The following NLRC5 variants were observed in gnomAD, a reference collection of about 807,000 sequenced individuals.
The protein encoded by NLRC5 is protein NLRC5.
NLRC5 carries 114 observed loss-of-function variants against 206.9 expected under a neutral mutation model. The observed-to-expected ratio is 0.55, with a 90% CI of 0.47 to 0.64. The LOEUF (loss-of-function observed/expected upper bound fraction) is 0.64, where lower values mean the gene tolerates loss of function less well. Ranked by LOEUF, NLRC5 falls within the 30% of genes least tolerant of loss-of-function variation. NLRC5 has a pLI of 0.00. For missense variants in NLRC5, 2,008 were observed against 2,305.5 expected, an observed-to-expected ratio of 0.87 and a Z score of 2.64; for synonymous variants, 952 against 962.8, an observed-to-expected ratio of 0.99 and a Z score of 0.21.
chr16:56,990,642 C>T (rs2056703567), intron 1 of NLRC5: 1 of 152,090 alleles, frequency 6.6e-6, no homozygotes, highest in African/African-American at 2.4e-5. Context: ...TTCTGCAGAC[C>T]TAAAAAGCAG....
chr16:57,028,835 G>A (rs984019105), intron 8 of NLRC5, among the ~76,000 whole-genome samples: 27 of 152,244 alleles, frequency 1.8e-4, no homozygotes, highest in African/African-American at 4.3e-4. Context: ...TGTATGCAGC[G>A]CACACATGCA....
chr16:57,082,471 G>T lies in NLRC5; in HGVS notation c.5544G>T (p.Glu1848Asp). 1 of 1,613,750 alleles carries T rather than the reference G, an allele frequency of 6.2e-7. No individual in the cohort carries two copies. Among genetic ancestry groups the T allele is most frequent in the Middle Eastern group, 1.7e-4 (1 of 6,058 alleles). ...TGGCCCAGCACCTGAAGAGCCAGGA[G>T]CCCAGGCTGGACTTTGCCTTCTTTG... ...CDMAQHLKSQEPRLDFAFFDN... is the reference protein window; with the variant it reads ...CDMAQHLKSQDPRLDFAFFDN... Residue 1848 changes from glutamate (E) to aspartate (D), a missense_variant, in exon 49 of 49, where the codon GAG (glutamate) becomes GAT (aspartate). Transcript: ENST00000688547.
At chr16:57,067,700 C>T (rs2067220404) in intron 35 of NLRC5, 36 bp from the exon 36 acceptor site, 1 of 1,591,052 alleles carries the variant, frequency 6.3e-7, no homozygotes, top group Admixed American at 1.7e-5. Flanking sequence ...GTGTGTCCAG[C>T]CTGAAATCCT....
chr16:57,077,981 G>A lies in NLRC5; in HGVS notation c.5042G>A (p.Gly1681Glu). ...CNALGDPTAL[G>E]LAQELPQHLR... ...GCCCTGGGGGATCCCACAGCCCTGGGGCTGGCTCAGGAGCTGCCCCAGCAC... is the reference window on the plus strand; with the variant it reads ...GCCCTGGGGGATCCCACAGCCCTGGAGCTGGCTCAGGAGCTGCCCCAGCAC... The change falls in exon 43 of 49, where the codon GGG becomes GAG. Residue 1681 changes from glycine (G) to glutamate (E), a missense_variant. Transcript: ENST00000688547. 1 of 1,611,784 alleles carries A rather than the reference G, an allele frequency of 6.2e-7. No homozygotes were observed. The highest frequency in any genetic ancestry group is 8.5e-7 in the Non-Finnish European group (1 of 1,178,704).
In NLRC5 at chr16:57,037,273, G is replaced by A. The variant is rs762014786; in HGVS notation, c.2790G>A (p.Glu930=). 8 of 1,613,142 alleles carry A rather than the reference G, an allele frequency of 5.0e-6. No homozygotes were observed. The highest frequency in any genetic ancestry group is 2.2e-5 in the South Asian group (2 of 91,072). ...TGAGTGCGTGCTGGACCCTGGCAGAGCTGCACATCAGGTGGGAGCTCCCTC... is the reference window on the plus strand; with the variant it reads ...TGAGTGCGTGCTGGACCCTGGCAGAACTGCACATCAGGTGGGAGCTCCCTC... ...RAVSACWTLA[E]LHISLQHKTV... The change falls in exon 15 of 49, where the codon GAG becomes GAA. Residue 930 remains glutamate, a synonymous_variant. Coordinates refer to ENST00000688547, the MANE Select transcript of NLRC5 (RefSeq NM_001384950.1).
chr16:57,012,518 G>A (rs897343841), intron 1 of NLRC5, among the ~76,000 whole-genome samples: 2 of 152,200 alleles, frequency 1.3e-5, no homozygotes, highest in Non-Finnish European at 2.9e-5. Context: ...CATCGGGCGA[G>A]TATTACTGCC....
chr16:57,081,625 C>A lies in NLRC5; in HGVS notation c.5489+15C>A, dbSNP rs1335252447. ...CAAGTCATCCGGTAACAGAGGCCTG[C>A]AGGGGCAGGGATGGTGGGTGGGAGG... On this transcript the variant is annotated intron_variant, in intron 48 of 48. Coordinates refer to ENST00000688547, the MANE Select transcript of NLRC5 (RefSeq NM_001384950.1). 2.5e-6 allele frequency: 4 copies of A among 1,609,630 alleles called. No homozygotes were observed. Among genetic ancestry groups the A allele is most frequent in the South Asian group, 1.1e-5 (1 of 91,000 alleles).
rs768805350 is a variant in NLRC5, at chr16:57,027,031, G to T, written c.2075+13G>T. On this transcript the variant is annotated intron_variant, in intron 6 of 48. Transcript: ENST00000688547. The stretch of plus-strand genomic sequence containing the variant: ...TAGAGAATCTCAGGTGAGTAAGAGT[G>T]GAGGAGGACCGGGGAGGGGATTGGG... 3.1e-6 allele frequency: 5 copies of T among 1,607,710 alleles called. No individual in the cohort carries two copies. The highest frequency in any genetic ancestry group is 3.4e-6 in the Non-Finnish European group (4 of 1,175,752).
intron 1 of NLRC5, among the ~76,000 whole-genome samples, chr16:56,994,420 C>A (rs1176753104): frequency 3.3e-5 from 5 of 152,206 alleles, no homozygotes; most frequent in Admixed American, 2.0e-4. Flanking sequence ...CACTGAGCTT[C>A]CACACACCAG....
chr16:57,019,850 G>A (rs1292669850), intron 2 of NLRC5, among the ~76,000 whole-genome samples: 3 of 152,172 alleles, frequency 2.0e-5, no homozygotes, highest in Admixed American at 2.0e-4. Flanking sequence ...GATTTTGGGA[G>A]ACAACTAGTT....
intron 5 of NLRC5, 115 bp from the exon 6 acceptor site, chr16:57,025,253 C>A: frequency 3.4e-6 from 5 of 1,463,808 alleles, no homozygotes; most frequent in Non-Finnish European, 4.5e-6. Flanking sequence ...ACCCTCACCC[C>A]ATCATACATA....
intron 32 of NLRC5, among the ~76,000 whole-genome samples, chr16:57,063,019 C>A (rs1161078148): frequency 6.7e-6 from 1 of 149,516 alleles, no homozygotes; most frequent in Non-Finnish European, 1.5e-5. Flanking sequence ...CTGTATTTGT[C>A]TTTTTGTGAC....
rs753783965 is a variant in NLRC5 at position 57,076,831 on chromosome 16, C to T, written c.4764C>T (p.Asn1588=). Residue 1588 remains asparagine (N), a synonymous_variant, in exon 40 of 49, where the codon AAC becomes AAT. Transcript: ENST00000688547. ...TCLQSLRLNR[N]SIGDVGCCHL... The stretch of plus-strand genomic sequence containing the variant: ...CCTGCTTTTCCAGACTGAACAGGAA[C>T]AGTATCGGTGATGTCGGTTGCTGCC... The T allele has an allele frequency of 6.2e-7, 1 of 1,614,128 alleles. No individual in the cohort carries two copies. Among genetic ancestry groups the T allele is most frequent in the South Asian group, 1.1e-5 (1 of 91,088 alleles).
chr16:57,061,776 C>A, intron 32 of NLRC5, 75 bp downstream of exon 32: 1 of 1,560,024 alleles, frequency 6.4e-7, no homozygotes, highest in South Asian at 1.2e-5. Context: ...GAGTAAGAGG[C>A]CCCCAGGATC....
intron 11 of NLRC5, among the ~76,000 whole-genome samples, chr16:57,032,328 G>A (rs1367001420): frequency 2.0e-5 from 3 of 151,888 alleles, no homozygotes; most frequent in Non-Finnish European, 4.4e-5. Context: ...TTGAGCCTGG[G>A]AGCTTGAGCC....
chr16:57,046,018 G>T (rs1259631423), intron 21 of NLRC5, among the ~76,000 whole-genome samples: 5 of 152,234 alleles, frequency 3.3e-5, no homozygotes, highest in South Asian at 2.1e-4. Flanking sequence ...CAGTGGCAGC[G>T]GACAGGGTGG....
chr16:57,027,053 TG>T (rs1480906123), intron 6 of NLRC5, 35 bp downstream of exon 6: 1 of 1,588,856 alleles, frequency 6.3e-7, no homozygotes, highest in Admixed American at 1.7e-5. Context: ...GGGAGGGGAT[TG>T]GGCTTTTGGG....
chr16:57,070,873 TG>T (rs1210413295), intron 38 of NLRC5, among the ~76,000 whole-genome samples: 1 of 117,868 alleles, frequency 8.5e-6, no homozygotes, highest in Non-Finnish European at 1.7e-5. Flanking sequence ...AGAGTGGTGA[TG>T]GTGGTTAATG....
intron 15 of NLRC5, 72 bp downstream of exon 15, chr16:57,037,356 T>G: frequency 3.9e-5 from 53 of 1,371,236 alleles, no homozygotes; most frequent in Non-Finnish European, 4.8e-5. Flanking sequence ...TTGGAATTCC[T>G]TCTGGGCCCA....
Sources: allele counts gnomAD v4.1 joint callset (sites outside exome capture counted in the v4.1 genomes callset), GRCh38; gene constraint gnomAD v4.1.1; transcripts MANE v1.5; gene names NCBI Gene and HGNC (gene_info 2026-07-23, HGNC 2026-07-21).